Variants in GRIA3 observed in about 807,000 individuals in gnomAD.
The protein encoded by GRIA3 is glutamate receptor 3.
Under a neutral mutation model 63.0 loss-of-function variants are expected in GRIA3, and 3 were observed. The observed-to-expected ratio is 0.05, with a 90% CI of 0.02 to 0.12. The LOEUF is 0.12. Ranked by LOEUF, GRIA3 falls within the 10% of genes least tolerant of loss-of-function variation. The pLI is 1.00. For synonymous variants in GRIA3, 274 were observed against 257.9 expected, an observed-to-expected ratio of 1.06 and a Z score of -0.60; for missense variants, 347 against 700.9, an observed-to-expected ratio of 0.50 and a Z score of 5.70.
intron 1 of GRIA3, among the ~76,000 whole-genome samples, chrX:123,185,475 AGAT>A (rs1214347666): frequency 1.2e-5 from 1 of 84,137 alleles, no homozygotes; most frequent in Non-Finnish European, 2.3e-5. Flanking sequence ...CACAATGAAA[AGAT>A]GACCAGCTGT....
chrX:123,404,577 C>T lies in GRIA3; in HGVS notation c.1294-131C>T, dbSNP rs967473126. On this transcript the variant is annotated intron_variant, in intron 9 of 15. Coordinates refer to ENST00000620443, the MANE Select transcript of GRIA3 (RefSeq NM_007325.5). ...TACTCAATTAAAGCTCTTCTGTTTA[C>T]TAAGTAACAATTTAAAGGCCTTTTT... The T allele has an allele frequency of 4.7e-5, 20 of 425,898 alleles. No individual in the cohort carries two copies. In the African/African-American group the frequency reaches 4.9e-4, roughly 10 times the overall value. 35.1% of individuals were successfully genotyped at this position (425,898 alleles called of 1,213,427 possible).
chrX:123,310,662 A>G (rs975040089), intron 3 of GRIA3, among the ~76,000 whole-genome samples: 4 of 112,685 alleles, frequency 3.5e-5, no homozygotes, highest in Admixed American at 9.4e-5. Context: ...CTTTCATATT[A>G]TCTTTCCTTT....
At chrX:123,443,932 G>C (rs2045689332) in intron 12 of GRIA3, among the ~76,000 whole-genome samples, 1 of 111,291 alleles carries the variant, frequency 9.0e-6, no homozygotes, top group African/African-American at 3.3e-5. Context: ...GGTCTCAGGT[G>C]GTGAGGACTT....
intron 5 of GRIA3, among the ~76,000 whole-genome samples, chrX:123,383,546 G>C (rs746475508): frequency 1.1e-3 from 127 of 111,241 alleles, no homozygotes; most frequent in Non-Finnish European, 2.1e-3. Context: ...TTGTCTTTCT[G>C]AGCATGGCTT....
chrX:123,295,556 A>G (rs1416187285), intron 3 of GRIA3, among the ~76,000 whole-genome samples: 1 of 111,265 alleles, frequency 9.0e-6, no homozygotes, highest in African/African-American at 3.3e-5. Context: ...ATATTTAAAT[A>G]GCACATTCGG....
chrX:123,398,453 A>G lies in GRIA3; in HGVS notation c.913-183A>G, dbSNP rs5911618. Among the ~76,000 whole-genome samples, 1,384 of 111,964 alleles carry G rather than the reference A, an allele frequency of 0.012. 12 individuals are homozygous for G. Among genetic ancestry groups the G allele is most frequent in the Non-Finnish European group, 0.019 (1,003 of 53,212 alleles). ...TGTAATAATTGTAACACATGCACAC[A>G]TGAGGTAAGAACTATCACTGTAGAA... On this transcript the variant is annotated intron_variant, in intron 6 of 15. Coordinates refer to ENST00000620443, the MANE Select transcript of GRIA3 (RefSeq NM_007325.5).
At chrX:123,476,864 A>T (rs2045889571) in intron 13 of GRIA3, among the ~76,000 whole-genome samples, 1 of 111,490 alleles carries the variant, frequency 9.0e-6, no homozygotes, top group South Asian at 3.9e-4. Flanking sequence ...GCCCCGACCC[A>T]GGTGTGACAA....
chrX:123,252,070 T>G (rs1375230556), intron 2 of GRIA3, among the ~76,000 whole-genome samples: 1 of 112,104 alleles, frequency 8.9e-6, no homozygotes, highest in Non-Finnish European at 1.9e-5. Flanking sequence ...ACGTCTTCAC[T>G]GTTTCTCCTC....
chrX:123,326,415 G>A (rs1381958725), intron 4 of GRIA3, among the ~76,000 whole-genome samples: 1 of 109,129 alleles, frequency 9.2e-6, no homozygotes, highest in East Asian at 2.8e-4. Flanking sequence ...GAAAATCTAA[G>A]CTGTTGAAAA....
chrX:123,383,674 C>A (rs1163557201), intron 5 of GRIA3, among the ~76,000 whole-genome samples: 1 of 111,023 alleles, frequency 9.0e-6, no homozygotes, highest in Admixed American at 9.6e-5. Flanking sequence ...TTTTTGAAGG[C>A]CATTAAACTT....
At chrX:123,255,640 G>A (rs1012157123) in intron 3 of GRIA3, among the ~76,000 whole-genome samples, 6 of 105,546 alleles carry the variant, frequency 5.7e-5, no homozygotes, top group Middle Eastern at 4.7e-3. Flanking sequence ...CTAGAAGAAC[G>A]GGAGGAAAAG....
At chrX:123,260,823 G>A (rs1427780277) in intron 3 of GRIA3, among the ~76,000 whole-genome samples, 1 of 110,525 alleles carries the variant, frequency 9.0e-6, no homozygotes, top group African/African-American at 3.3e-5. Context: ...GAGACATTTG[G>A]TAGTTTCCAC....
At chrX:123,425,415 A>C (rs2147398999) in intron 11 of GRIA3, among the ~76,000 whole-genome samples, 2 of 112,143 alleles carry the variant, frequency 1.8e-5, no homozygotes, top group East Asian at 5.6e-4. Context: ...GCACACAAGA[A>C]GTGCTCAATA....
chrX:123,379,433 C>T (rs5911612), intron 5 of GRIA3, among the ~76,000 whole-genome samples: 12,375 of 109,712 alleles, frequency 0.11, 577 homozygotes, highest in Non-Finnish European at 0.14. Flanking sequence ...GCTCTTTAGC[C>T]CAAAACCATC....
At chrX:123,413,618 T>C (rs1249688674) in intron 10 of GRIA3, among the ~76,000 whole-genome samples, 1 of 104,877 alleles carries the variant, frequency 9.5e-6, no homozygotes, top group Non-Finnish European at 1.9e-5. Flanking sequence ...TACCCTTTTT[T>C]ACTATGACCA....
At chrX:123,330,644 T>C (rs1191085441) in intron 4 of GRIA3, among the ~76,000 whole-genome samples, 1 of 111,747 alleles carries the variant, frequency 8.9e-6, no homozygotes, top group Non-Finnish European at 1.9e-5. Context: ...TTAATCACCT[T>C]CTCAAGTATA....
At chrX:123,450,597 C>T (rs1007654141) in intron 12 of GRIA3, among the ~76,000 whole-genome samples, 8 of 112,849 alleles carry the variant, frequency 7.1e-5, no homozygotes, top group African/African-American at 2.3e-4. Flanking sequence ...ATCTCAGCTA[C>T]GCATTTATTC....
At chrX:123,215,503 C>T (rs1301864651) in intron 2 of GRIA3, among the ~76,000 whole-genome samples, 2 of 111,371 alleles carry the variant, frequency 1.8e-5, no homozygotes, top group Non-Finnish European at 3.8e-5. Context: ...GCATCATTAG[C>T]GTGGAGAAGA....
At chrX:123,187,578 C>T (rs991258294) in intron 2 of GRIA3, among the ~76,000 whole-genome samples, 2 of 111,889 alleles carry the variant, frequency 1.8e-5, no homozygotes, top group African/African-American at 6.5e-5. Flanking sequence ...ATGCAGCTTC[C>T]TAAATATCAA....
Sources: gnomAD v4.1 joint callset for allele counts (sites outside exome capture counted in the v4.1 genomes callset) on GRCh38, gnomAD v4.1.1 for gene constraint, MANE v1.5 for transcripts, NCBI Gene and HGNC (gene_info 2026-07-23, HGNC 2026-07-21) for gene names.